GPM6B: variants seen among roughly 807,000 people sequenced by gnomAD.
GPM6B encodes glycoprotein M6B.
In GPM6B, 4 loss-of-function variants were observed where a neutral mutation model predicts 27.2. The observed-to-expected ratio is 0.15, with a 90% CI of 0.07 to 0.34. The LOEUF (loss-of-function observed/expected upper bound fraction) is 0.34, where lower values mean the gene tolerates loss of function less well. GPM6B is among the 10% of genes least tolerant of loss of function. The probability of loss-of-function intolerance (pLI) is 1.00; values close to 1 mark genes in which losing one functional copy is unlikely to be tolerated. For synonymous variants in GPM6B, 124 were observed against 103.1 expected (o/e 1.20, Z -1.23); for missense variants, 183 against 261.9 (o/e 0.70, Z 2.08).
At chrX:13,776,374 C>T (rs2048412937) in intron 6 of GPM6B, 71 bp from the exon 7 acceptor site, 1 of 798,678 alleles carries the variant, frequency 1.3e-6, no homozygotes, top group Non-Finnish European at 1.8e-6. Flanking sequence ...TTGTGGGGTG[C>T]TGCTTCATCT....
intron 2 of GPM6B, among the ~76,000 whole-genome samples, chrX:13,786,710 A>C (rs2048619057): frequency 9.0e-6 from 1 of 111,483 alleles, no homozygotes; most frequent in Admixed American, 9.5e-5. Context: ...CATGAAGTGG[A>C]ATGAAGGAGA....
At chrX:13,852,774 T>TA (rs34014136) in intron 1 of GPM6B, among the ~76,000 whole-genome samples, 2 of 12,580 alleles carry the variant, frequency 1.6e-4, no homozygotes, top group Non-Finnish European at 1.5e-4. Flanking sequence ...CAACAAAAAC[T>TA]TTTTTTTTTT....
chrX:13,795,701 TTTA>T (rs770365565), intron 2 of GPM6B, among the ~76,000 whole-genome samples: 4 of 110,373 alleles, frequency 3.6e-5, no homozygotes, highest in South Asian at 7.9e-4. Flanking sequence ...AATGACTAAG[TTTA>T]TTATTAAGTA....
intron 1 of GPM6B, among the ~76,000 whole-genome samples, chrX:13,921,291 A>AT (rs771500237): frequency 1.8e-5 from 2 of 111,922 alleles, no homozygotes; most frequent in East Asian, 5.6e-4. Flanking sequence ...GCTGTCTAGA[A>AT]TTTTTTGCCC....
intron 7 of GPM6B, 146 bp downstream of exon 7, chrX:13,776,092 G>A (rs1351386574): frequency 4.0e-6 from 2 of 499,882 alleles, no homozygotes; most frequent in Non-Finnish European, 3.6e-6. Flanking sequence ...AACTACATGT[G>A]GTAAGTTAAC....
chrX:13,833,487 G>A (rs767567953), intron 1 of GPM6B, among the ~76,000 whole-genome samples: 133 of 102,468 alleles, frequency 1.3e-3, no homozygotes, highest in Non-Finnish European at 1.7e-3. Flanking sequence ...GGCTGAGGTG[G>A]GAGGATCTCT....
chrX:13,906,684 G>C (rs143291942), intron 1 of GPM6B, among the ~76,000 whole-genome samples: 1,446 of 112,078 alleles, frequency 0.013, 17 homozygotes, highest in African/African-American at 0.044. Context: ...GGTTTTAAAA[G>C]AAATGTCTAG....
upstream of GPM6B, among the ~76,000 whole-genome samples, chrX:13,820,139 T>G (rs952917568): frequency 9.0e-6 from 1 of 111,239 alleles, no homozygotes; most frequent in Non-Finnish European, 1.9e-5. Flanking sequence ...TTTACAAAGG[T>G]CATTCTATTG....
chrX:13,922,906 T>C (rs974754412), intron 1 of GPM6B, among the ~76,000 whole-genome samples: 4 of 112,142 alleles, frequency 3.6e-5, no homozygotes, highest in African/African-American at 1.3e-4. Context: ...CCGGGTGCGG[T>C]GGCTCACGCC....
At chrX:13,776,166 G>A (rs2048409394) in intron 7 of GPM6B, 72 bp downstream of exon 7, 7 of 894,415 alleles carry the variant, frequency 7.8e-6, no homozygotes, top group Middle Eastern at 2.7e-4. Context: ...GGTAAAAGCT[G>A]GAAGGGAAAT....
intron 1 of GPM6B, among the ~76,000 whole-genome samples, chrX:13,890,266 A>G (rs1476964743): frequency 8.9e-6 from 1 of 111,945 alleles, no homozygotes; most frequent in Non-Finnish European, 1.9e-5. Context: ...GTTTACAAAT[A>G]CCATGGCAAC....
At chrX:13,897,631 A>G (rs972289410) in intron 1 of GPM6B, among the ~76,000 whole-genome samples, 3 of 112,002 alleles carry the variant, frequency 2.7e-5, no homozygotes, top group Non-Finnish European at 5.6e-5. Context: ...TGAATTCTTG[A>G]TTATTTCTGT....
upstream of GPM6B, chrX:13,817,174 G>A (rs1017033697): frequency 1.6e-5 from 15 of 912,548 alleles, no homozygotes; most frequent in Admixed American, 5.8e-5. Context: ...ACAGCCATTC[G>A]GCGCCCGGTG....
chrX:13,907,815 C>G (rs773864252), intron 1 of GPM6B, among the ~76,000 whole-genome samples: 1 of 112,429 alleles, frequency 8.9e-6, no homozygotes, highest in Non-Finnish European at 1.9e-5. Flanking sequence ...TTCCAGAGGA[C>G]TCTCTCAAGT....
chrX:13,836,589 C>T (rs953573585), intron 1 of GPM6B, among the ~76,000 whole-genome samples: 1 of 112,465 alleles, frequency 8.9e-6, no homozygotes, highest in African/African-American at 3.2e-5. Flanking sequence ...TTTAAAAGCA[C>T]CTTACTATTG....
rs2049802391 is a variant in GPM6B, at chrX:13,858,122, T to C, written c.-197-72314A>G. Reference sequence around the variant, plus strand: ...GAAAAGACTTGTATGAGAGGTGCTTTTTACATGTGTGCTTGTGATAAGGCA... The same window carrying C: ...GAAAAGACTTGTATGAGAGGTGCTTCTTACATGTGTGCTTGTGATAAGGCA... On this transcript the variant is annotated intron_variant, in intron 1 of 6. Coordinates refer to the GPM6B transcript ENST00000398361. Among the ~76,000 whole-genome samples the C allele has an allele frequency of 2.7e-5, 3 of 112,216 alleles. No individual in the cohort carries two copies. The Admixed American group carries it at 2.8e-4, about 11-fold the overall frequency.
chrX:13,936,782 T>C (rs1048123865), intron 1 of GPM6B, among the ~76,000 whole-genome samples: 1 of 112,266 alleles, frequency 8.9e-6, no homozygotes, highest in African/African-American at 3.2e-5. Flanking sequence ...GGGCCTTTGC[T>C]TCATGAGAAC....
intron 1 of GPM6B, among the ~76,000 whole-genome samples, chrX:13,853,343 C>T (rs1048012317): frequency 3.6e-5 from 4 of 110,447 alleles, no homozygotes; most frequent in Non-Finnish European, 5.7e-5. Context: ...GTGGCTCATG[C>T]CTGTAATCCC....
chrX:13,915,361 C>T (rs764650296), intron 1 of GPM6B, among the ~76,000 whole-genome samples: 142 of 110,933 alleles, frequency 1.3e-3, no homozygotes, highest in Non-Finnish European at 2.3e-3. Context: ...CCTATTCTCT[C>T]TCCTGTACTG....
Sources: allele counts gnomAD v4.1 joint callset (sites outside exome capture counted in the v4.1 genomes callset), GRCh38; gene constraint gnomAD v4.1.1; transcripts MANE v1.5; gene names NCBI Gene and HGNC (gene_info 2026-07-23, HGNC 2026-07-21).